The following FGF14 variants were observed in gnomAD, a reference collection of about 807,000 sequenced individuals.
FGF14 encodes fibroblast growth factor 14.
In FGF14, 5 loss-of-function variants were observed where a neutral mutation model predicts 25.5. The ratio of observed to expected loss-of-function variants is 0.20; its 90% confidence interval spans 0.10 to 0.41. FGF14 has a LOEUF of 0.41. FGF14 is among the 10% of genes least tolerant of loss of function. FGF14 has a pLI of 1.00. For missense variants in FGF14, 222 were observed against 320.1 expected, an observed-to-expected ratio of 0.69 and a Z score of 2.34; for synonymous variants, 138 against 118.3, an observed-to-expected ratio of 1.17 and a Z score of -1.08.
intron 1 of FGF14, among the ~76,000 whole-genome samples, chr13:102,388,691 GAACT>G (rs530134639): frequency 1.9e-4 from 29 of 152,134 alleles, no homozygotes; most frequent in African/African-American, 7.0e-4. Context: ...TTCCCATTTC[GAACT>G]AACAGAAGGA....
At chr13:101,869,405 C>T (rs1209937414) in intron 2 of FGF14, among the ~76,000 whole-genome samples, 1 of 152,154 alleles carries the variant, frequency 6.6e-6, no homozygotes, top group African/African-American at 2.4e-5. Context: ...AGAGAGGCTA[C>T]TCATTTATGT....
intron 1 of FGF14, among the ~76,000 whole-genome samples, chr13:102,130,746 C>G: frequency 6.6e-6 from 1 of 152,260 alleles, no homozygotes; most frequent in East Asian, 1.9e-4. Context: ...ATCACATCCA[C>G]CTGTCTTAAT....
intron 1 of FGF14, among the ~76,000 whole-genome samples, chr13:102,153,346 C>G (rs1328871420): frequency 6.6e-6 from 1 of 152,162 alleles, no homozygotes; most frequent in African/African-American, 2.4e-5. Context: ...TAGAGAATAA[C>G]AGCATGTATA....
intron 1 of FGF14, among the ~76,000 whole-genome samples, chr13:101,999,057 C>T (rs1051507398): frequency 8.5e-5 from 13 of 152,084 alleles, no homozygotes; most frequent in African/African-American, 2.9e-4. Flanking sequence ...AAGTGAAAAA[C>T]CAAATGCTAA....
At chr13:101,843,864 T>G (rs1282035499) in intron 3 of FGF14, among the ~76,000 whole-genome samples, 2 of 151,990 alleles carry the variant, frequency 1.3e-5, no homozygotes, top group East Asian at 3.9e-4. Context: ...TCTGTGGGAT[T>G]TACAGTAAGA....
At chr13:101,811,755 G>A (rs2041522017) in intron 3 of FGF14, among the ~76,000 whole-genome samples, 1 of 152,140 alleles carries the variant, frequency 6.6e-6, no homozygotes, top group Admixed American at 6.5e-5. Context: ...GGTTCCTGTT[G>A]CTCCCCAGCG....
At position 101,964,765 on chromosome 13, in the gene FGF14, T is replaced by C. The variant is rs976428598; in HGVS notation, c.209-89469A>G. Among the ~76,000 whole-genome samples the C allele has an allele frequency of 3.9e-5, 6 of 152,106 alleles. No homozygotes were observed. In the East Asian group the frequency reaches 1.2e-3, roughly 29 times the overall value. On this transcript the variant is annotated intron_variant, in intron 1 of 4. Transcript: ENST00000376131. ...TTTCCTTTTCTACTTTCATTTTTTT[T>C]CTTTCTTTTCAATGGCAAGCTTCAT...
At chr13:102,129,698 T>A (rs749514596) in intron 1 of FGF14, among the ~76,000 whole-genome samples, 3 of 149,936 alleles carry the variant, frequency 2.0e-5, no homozygotes, top group Admixed American at 6.7e-5. Flanking sequence ...GGGATGGGGG[T>A]AGGGGGGAGG....
In FGF14 at chr13:102,083,677, C is replaced by T. The variant is rs769292700; in HGVS notation, c.209-208381G>A. 5.9e-5 allele frequency among the ~76,000 whole-genome samples: 9 copies of T among 152,194 alleles called. No individual in the cohort carries two copies. The East Asian group carries it at 9.6e-4, about 16-fold the overall frequency. On this transcript the variant is annotated intron_variant, in intron 1 of 4. Transcript: ENST00000376131. ...GAACCAATGTATACCTTTCATGTAT[C>T]GATTTATGATTTTACCTGCATTTGC...
intron 3 of FGF14, among the ~76,000 whole-genome samples, chr13:101,749,144 G>A (rs1020713403): frequency 1.3e-5 from 2 of 152,162 alleles, no homozygotes; most frequent in East Asian, 1.9e-4. Flanking sequence ...TGCGGTTGCC[G>A]GTGGCTAGGG....
intron 1 of FGF14, among the ~76,000 whole-genome samples, chr13:101,894,376 A>C (rs1287929047): frequency 6.6e-6 from 1 of 152,148 alleles, no homozygotes; most frequent in African/African-American, 2.4e-5. Context: ...TGTATAGGCC[A>C]TAGACATAAA....
At chr13:102,398,850 A>T (rs1459372228) in intron 1 of FGF14, among the ~76,000 whole-genome samples, 1 of 148,984 alleles carries the variant, frequency 6.7e-6, no homozygotes, top group Non-Finnish European at 1.5e-5. Flanking sequence ...AATGTGACAC[A>T]TTAATGTCCC....
At chr13:101,954,293 A>G (rs556501244) in intron 1 of FGF14, among the ~76,000 whole-genome samples, 48 of 144,014 alleles carry the variant, frequency 3.3e-4, no homozygotes, top group Middle Eastern at 3.5e-3. Context: ...TGGAGCATCA[A>G]CAATGTATGA....
chr13:102,005,589 G>A (rs1330560777), intron 1 of FGF14, among the ~76,000 whole-genome samples: 2 of 152,154 alleles, frequency 1.3e-5, no homozygotes, highest in Admixed American at 6.5e-5. Flanking sequence ...AAAGATGACT[G>A]CTGAGAGTTC....
At chr13:101,943,824 A>AT (rs553788083) in intron 1 of FGF14, among the ~76,000 whole-genome samples, 1,626 of 126,848 alleles carry the variant, frequency 0.013, 14 homozygotes, top group South Asian at 0.02. Flanking sequence ...AAAAAAAAAA[A>AT]AAATATATAT....
intron 1 of FGF14, among the ~76,000 whole-genome samples, chr13:102,177,325 G>A (rs1283647360): frequency 6.6e-6 from 1 of 152,178 alleles, no homozygotes; most frequent in Non-Finnish European, 1.5e-5. Context: ...CACAGTGTCT[G>A]CTAGGAACCA....
At chr13:102,365,488 T>TA (rs1166472281) in intron 1 of FGF14, among the ~76,000 whole-genome samples, 1 of 152,228 alleles carries the variant, frequency 6.6e-6, no homozygotes, top group Non-Finnish European at 1.5e-5. Flanking sequence ...ATTCTACTCA[T>TA]AAAAATTATT....
chr13:102,113,989 C>T (rs976797987), intron 1 of FGF14, among the ~76,000 whole-genome samples: 1 of 152,170 alleles, frequency 6.6e-6, no homozygotes, highest in Admixed American at 6.5e-5. Context: ...GAGACAGGAA[C>T]CTAGTCCAGT....
intron 1 of FGF14, among the ~76,000 whole-genome samples, chr13:101,961,331 T>C (rs2036844625): frequency 6.6e-6 from 1 of 152,238 alleles, no homozygotes; most frequent in Non-Finnish European, 1.5e-5. Flanking sequence ...GTTTTGCATT[T>C]AAGTCTTTAA....
Sources: allele counts gnomAD v4.1 joint callset (sites outside exome capture counted in the v4.1 genomes callset), GRCh38; gene constraint gnomAD v4.1.1; transcripts MANE v1.5; gene names NCBI Gene and HGNC (gene_info 2026-07-23, HGNC 2026-07-21).